PRLR: variants seen among roughly 807,000 people sequenced by gnomAD.
PRLR encodes the protein prolactin receptor, also known as hPRL receptor.
In PRLR, 13 loss-of-function variants were observed where a neutral mutation model predicts 40.2. That is an observed-to-expected ratio of 0.32 (90% CI 0.21 to 0.51). PRLR has a LOEUF of 0.51. Ranked by LOEUF, PRLR falls within the 20% of genes least tolerant of loss-of-function variation. The pLI, the probability that PRLR is intolerant of heterozygous loss-of-function variation, is 0.97. For missense variants in PRLR, 656 were observed against 747.3 expected (o/e 0.88, Z 1.42); for synonymous variants, 269 against 278.7 (o/e 0.97, Z 0.35).
intron 1 of PRLR, among the ~76,000 whole-genome samples, chr5:35,206,754 T>G (rs967332269): frequency 6.6e-6 from 1 of 151,918 alleles, no homozygotes; most frequent in Admixed American, 6.6e-5. Context: ...TGAAAAAAAT[T>G]AAAAGTAAAC....
chr5:35,165,617 T>C (rs1048180883), intron 1 of PRLR, among the ~76,000 whole-genome samples: 2 of 152,320 alleles, frequency 1.3e-5, no homozygotes, highest in East Asian at 1.9e-4. Context: ...TGGGTAACCA[T>C]TGGCCTTTGG....
chr5:35,206,342 A>G (rs1395703004), intron 1 of PRLR, among the ~76,000 whole-genome samples: 1 of 152,162 alleles, frequency 6.6e-6, no homozygotes, highest in African/African-American at 2.4e-5. Flanking sequence ...AAGTAAAAAA[A>G]TGAGAAATTT....
intron 1 of PRLR, among the ~76,000 whole-genome samples, chr5:35,193,571 C>A (rs910859896): frequency 2.0e-5 from 3 of 152,178 alleles, no homozygotes; most frequent in African/African-American, 7.2e-5. Context: ...GAAATTCTGA[C>A]TGGCAGGTTC....
intron 1 of PRLR, among the ~76,000 whole-genome samples, chr5:35,228,975 G>A (rs6867456): frequency 6.6e-6 from 1 of 151,748 alleles, no homozygotes; most frequent in African/African-American, 2.4e-5. Flanking sequence ...TATGCATTTT[G>A]CCCCAGGAAG....
chr5:35,080,099 T>G (rs1770402915), intron 5 of PRLR, among the ~76,000 whole-genome samples: 2 of 152,146 alleles, frequency 1.3e-5, no homozygotes, highest in Non-Finnish European at 2.9e-5. Flanking sequence ...GAAGAAAACC[T>G]AGGCAATACC....
At chr5:35,145,070 T>G (rs184982911) in intron 1 of PRLR, among the ~76,000 whole-genome samples, 15 of 152,334 alleles carry the variant, frequency 9.8e-5, no homozygotes, top group African/African-American at 3.6e-4. Context: ...ATATCAGCCC[T>G]GTCAAATCAT....
intron 5 of PRLR, among the ~76,000 whole-genome samples, chr5:35,082,959 G>T (rs1770610555): frequency 1.3e-5 from 2 of 152,002 alleles, no homozygotes; most frequent in South Asian, 4.2e-4. Flanking sequence ...TTTCTTTAGT[G>T]AGTCCCTTTT....
intron 1 of PRLR, among the ~76,000 whole-genome samples, chr5:35,208,644 TAAAC>T (rs1159118758): frequency 6.6e-6 from 1 of 152,158 alleles, no homozygotes; most frequent in African/African-American, 2.4e-5. Context: ...AAAAATACTT[TAAAC>T]AAAATTAAAA....
intron 2 of PRLR, among the ~76,000 whole-genome samples, chr5:35,114,340 C>T (rs1234217529): frequency 2.0e-5 from 3 of 152,180 alleles, no homozygotes; most frequent in Non-Finnish European, 4.4e-5. Flanking sequence ...CACATGTGCC[C>T]TGCTTTCCTC....
rs957621553 is a variant in PRLR, at chr5:35,062,506, A to G, written c.*2583T>C. On this transcript the variant is annotated 3_prime_UTR_variant, in exon 10 of 10. Coordinates refer to ENST00000618457, the MANE Select transcript of PRLR (RefSeq NM_000949.7). ...ACAGTGCTAATTGATCATAGAATTAAAGTCTTGGCCTAATGAGTGGCTAAT... is the reference window on the plus strand; with the variant it reads ...ACAGTGCTAATTGATCATAGAATTAGAGTCTTGGCCTAATGAGTGGCTAAT... The G allele has an allele frequency of 6.8e-6, 1 of 147,282 alleles. No individual in the cohort carries two copies. The highest frequency in any genetic ancestry group is 1.5e-5 in the Non-Finnish European group (1 of 67,712). 9.1% of individuals were successfully genotyped at this position (147,282 alleles called of 1,614,324 possible).
intron 1 of PRLR, among the ~76,000 whole-genome samples, chr5:35,183,084 C>T (rs936637994): frequency 1.3e-5 from 2 of 152,200 alleles, no homozygotes; most frequent in East Asian, 1.9e-4. Context: ...CTGGAAGTTG[C>T]GACACCTACT....
At chr5:35,082,823 T>C (rs1451832220) in intron 5 of PRLR, among the ~76,000 whole-genome samples, 7 of 152,188 alleles carry the variant, frequency 4.6e-5, no homozygotes, top group Non-Finnish European at 2.9e-5. Flanking sequence ...AGGAGAGTTC[T>C]GTGGACACTT....
chr5:35,188,684 G>C (rs1442049936), intron 1 of PRLR, among the ~76,000 whole-genome samples: 1 of 152,116 alleles, frequency 6.6e-6, no homozygotes, highest in Non-Finnish European at 1.5e-5. Context: ...CTTAAGCCCT[G>C]ACCAACCAAA....
At chr5:35,204,697 C>T (rs11959588) in intron 1 of PRLR, among the ~76,000 whole-genome samples, 22,147 of 152,068 alleles carry the variant, frequency 0.15, 2,361 homozygotes, top group African/African-American at 0.3. Context: ...ATTCCAAAGA[C>T]TCAACCCACC....
chr5:35,074,760 A>T (rs1294220066), intron 5 of PRLR, among the ~76,000 whole-genome samples: 2 of 152,030 alleles, frequency 1.3e-5, no homozygotes, highest in African/African-American at 4.8e-5. Context: ...TGTTTTTGCC[A>T]CAATAAAAAC....
At position 35,108,709 on chromosome 5, in the gene PRLR, T is replaced by C. The variant is rs957440696; in HGVS notation, c.-44+9352A>G. Among the ~76,000 whole-genome samples the C allele has an allele frequency of 3.3e-5, 5 of 152,198 alleles. 1 individual carries two copies. On this transcript the variant is annotated intron_variant, in intron 2 of 9. Coordinates refer to ENST00000618457, the MANE Select transcript of PRLR (RefSeq NM_000949.7). ...AACTACAAACCACTGCTCCATGAAATAAAAGAGGACATAAACAAATGGAAG... is the reference window on the plus strand; with the variant it reads ...AACTACAAACCACTGCTCCATGAAACAAAAGAGGACATAAACAAATGGAAG...
intron 1 of PRLR, among the ~76,000 whole-genome samples, chr5:35,128,288 C>T (rs377315420): frequency 6.7e-6 from 1 of 149,770 alleles, no homozygotes; most frequent in Admixed American, 6.6e-5. Context: ...CAAGGACTTG[C>T]GCATCTGTGG....
chr5:35,146,300 G>A (rs536281782), intron 1 of PRLR, among the ~76,000 whole-genome samples: 1 of 152,256 alleles, frequency 6.6e-6, no homozygotes, highest in South Asian at 2.1e-4. Flanking sequence ...GAAGAAACAG[G>A]CATCCAAATA....
chr5:35,204,484 A>G (rs1248133826), intron 1 of PRLR, among the ~76,000 whole-genome samples: 1 of 152,118 alleles, frequency 6.6e-6, no homozygotes, highest in African/African-American at 2.4e-5. Flanking sequence ...CTGAAGATTC[A>G]GCCTTAGTGT....
Sources: gnomAD v4.1 joint callset for allele counts (sites outside exome capture counted in the v4.1 genomes callset) on GRCh38, gnomAD v4.1.1 for gene constraint, MANE v1.5 for transcripts, NCBI Gene and HGNC (gene_info 2026-07-23, HGNC 2026-07-21) for gene names.